Variants in TDRD12 observed in about 807,000 individuals in gnomAD.
TDRD12 encodes the protein putative ATP-dependent RNA helicase TDRD12.
TDRD12 carries 158 observed loss-of-function variants against 133.5 expected under a neutral mutation model. That is an observed-to-expected ratio of 1.18 (90% confidence interval 1.04 to 1.35). The LOEUF is 1.35. Among genes scored for constraint, TDRD12 ranks in the 40% most tolerant of loss-of-function variants. The probability of loss-of-function intolerance (pLI) is 0.00; values close to 1 mark genes in which losing one functional copy is unlikely to be tolerated. For missense variants in TDRD12, 1,443 were observed against 1,321.3 expected (o/e 1.09, Z -1.43); for synonymous variants, 460 against 477.9 (o/e 0.96, Z 0.49).
intron 1 of TDRD12, among the ~76,000 whole-genome samples, chr19:32,731,473 A>G (rs528331714): frequency 6.6e-6 from 1 of 152,158 alleles, no homozygotes; most frequent in South Asian, 2.1e-4. Flanking sequence ...GTATATTACT[A>G]TGGATTTTTC....
At chr19:32,735,707 C>T (rs1939326906) in intron 2 of TDRD12, among the ~76,000 whole-genome samples, 1 of 152,206 alleles carries the variant, frequency 6.6e-6, no homozygotes. Context: ...TGGTGGCTCA[C>T]ACCTGTAATC....
chr19:32,788,167 G>A (rs1427458063), intron 11 of TDRD12, among the ~76,000 whole-genome samples: 1 of 150,942 alleles, frequency 6.6e-6, no homozygotes, highest in Non-Finnish European at 1.5e-5. Context: ...CTTTTGCCCA[G>A]GCTGGAGTGC....
intron 2 of TDRD12, among the ~76,000 whole-genome samples, chr19:32,737,450 T>C (rs1206533657): frequency 6.6e-6 from 1 of 152,038 alleles, no homozygotes; most frequent in Non-Finnish European, 1.5e-5. Flanking sequence ...GGTGATCCAC[T>C]CACCTCGACC....
At chr19:32,746,095 G>A (rs7260406) in intron 4 of TDRD12, among the ~76,000 whole-genome samples, 8,499 of 144,578 alleles carry the variant, frequency 0.059, 481 homozygotes, top group East Asian at 0.23. Context: ...TGACAGAGGG[G>A]GAGAGAGACT....
chr19:32,791,474 A>G (rs1971069471), intron 13 of TDRD12, among the ~76,000 whole-genome samples: 1 of 152,118 alleles, frequency 6.6e-6, no homozygotes, highest in Non-Finnish European at 1.5e-5. Flanking sequence ...GTGTTTATCT[A>G]CTTTTTTCCT....
chr19:32,746,702 CAG>C (rs1419726317), intron 4 of TDRD12, among the ~76,000 whole-genome samples: 14 of 47,886 alleles, frequency 2.9e-4, no homozygotes, highest in South Asian at 2.5e-3. Flanking sequence ...CTGTGTGTGA[CAG>C]AGAGGGGGAG....
intron 26 of TDRD12, 120 bp from the exon 27 acceptor site, chr19:32,817,969 C>CAAA (rs77102946): frequency 1.4e-4 from 83 of 593,290 alleles, no homozygotes; most frequent in Middle Eastern, 2.8e-4. Flanking sequence ...GCCTCTGTCT[C>CAAA]AAAAAAAAAA....
intron 2 of TDRD12, among the ~76,000 whole-genome samples, chr19:32,737,658 T>C (rs1021088986): frequency 9.2e-5 from 14 of 151,992 alleles, no homozygotes; most frequent in African/African-American, 3.1e-4. Flanking sequence ...GCCTCCTAAG[T>C]AGGTGAGACT....
At chr19:32,824,872 TA>T (rs1369582982), downstream of TDRD12, among the ~76,000 whole-genome samples, 1 of 152,174 alleles carries the variant, frequency 6.6e-6, no homozygotes. Flanking sequence ...CAACTTTGGA[TA>T]AATCAACCTC....
At chr19:32,750,147 A>G (rs1969781097) in intron 6 of TDRD12, among the ~76,000 whole-genome samples, 1 of 152,192 alleles carries the variant, frequency 6.6e-6, no homozygotes, top group Non-Finnish European at 1.5e-5. Flanking sequence ...CATGATTTTT[A>G]TAAATATACT....
chr19:32,813,430 A>G (rs967281164), intron 24 of TDRD12, among the ~76,000 whole-genome samples: 5 of 152,158 alleles, frequency 3.3e-5, no homozygotes, highest in African/African-American at 7.2e-5. Flanking sequence ...GTTGGGTCCC[A>G]AAGGCACAGA....
intron 22 of TDRD12, among the ~76,000 whole-genome samples, chr19:32,808,594 C>A (rs1599615224): frequency 6.6e-6 from 1 of 152,198 alleles, no homozygotes; most frequent in East Asian, 1.9e-4. Context: ...GACTTCACTA[C>A]CTCTGCAAAG....
intron 3 of TDRD12, 24 bp from the exon 4 acceptor site, chr19:32,742,757 A>G: frequency 1.3e-6 from 2 of 1,548,142 alleles, no homozygotes; most frequent in Non-Finnish European, 1.7e-6. Context: ...TATATAATGG[A>G]GCTGTTTCTG....
chr19:32,774,234 T>C (rs1970518316), intron 10 of TDRD12, among the ~76,000 whole-genome samples: 1 of 152,230 alleles, frequency 6.6e-6, no homozygotes. Context: ...TACTTTTACA[T>C]ATATCATAAA....
chr19:32,745,783 T>TGTG (rs10692092), intron 4 of TDRD12, among the ~76,000 whole-genome samples: 59,653 of 105,018 alleles, frequency 0.57, 19,417 homozygotes, highest in East Asian at 0.84. Flanking sequence ...GACTGGCTGA[T>TGTG]GTCATTCTGT....
intron 1 of TDRD12, among the ~76,000 whole-genome samples, chr19:32,731,421 A>G (rs1969049116): frequency 6.6e-6 from 1 of 151,980 alleles, no homozygotes; most frequent in Admixed American, 6.6e-5. Flanking sequence ...ATTTTTTTTA[A>G]CAAACAAAAG....
At chr19:32,733,383 T>A (rs1157645458) in intron 2 of TDRD12, among the ~76,000 whole-genome samples, 2 of 151,242 alleles carry the variant, frequency 1.3e-5, no homozygotes, top group Non-Finnish European at 2.9e-5. Context: ...GGCAAGAGAA[T>A]CACTTGAACC....
chr19:32,749,962 G>T (rs1322848209), intron 6 of TDRD12, 93 bp downstream of exon 6: 1 of 900,684 alleles, frequency 1.1e-6, no homozygotes, highest in Non-Finnish European at 1.7e-6. Context: ...ACTGTAGTTC[G>T]TACAGCATAG....
chr19:32,807,380 G>A (rs10408313), intron 21 of TDRD12, among the ~76,000 whole-genome samples, 169 bp from the exon 22 acceptor site: 88,625 of 150,142 alleles, frequency 0.59, 26,694 homozygotes, highest in East Asian at 0.83. Flanking sequence ...TCACTTATTT[G>A]TATATTATTA....
Sources: gnomAD v4.1 joint callset for allele counts (sites outside exome capture counted in the v4.1 genomes callset) on GRCh38, gnomAD v4.1.1 for gene constraint, MANE v1.5 for transcripts, NCBI Gene and HGNC (gene_info 2026-07-23, HGNC 2026-07-21) for gene names.